MBD5: variants seen among roughly 807,000 people sequenced by gnomAD.
MBD5 encodes methyl-CpG-binding domain protein 5.
MBD5 carries 13 observed loss-of-function variants against 117.3 expected under a neutral mutation model. The observed-to-expected ratio is 0.11, with a 90% confidence interval of 0.07 to 0.18. The LOEUF (loss-of-function observed/expected upper bound fraction) is 0.18, where lower values mean the gene tolerates loss of function less well. Ranked by LOEUF, MBD5 falls within the 10% of genes least tolerant of loss-of-function variation. The pLI is 1.00. For missense variants in MBD5, 1,879 were observed against 2,093.8 expected (o/e 0.90, Z 2.00); for synonymous variants, 727 against 766.4 (o/e 0.95, Z 0.85).
chr2:148,166,098 T>C (rs1197398698), intron 1 of MBD5, among the ~76,000 whole-genome samples: 1 of 152,168 alleles, frequency 6.6e-6, no homozygotes, highest in Admixed American at 6.5e-5. Context: ...ATTCTCTAAA[T>C]GTAAGAAAAA....
At chr2:148,325,751 G>A (rs1702430107) in intron 3 of MBD5, among the ~76,000 whole-genome samples, 1 of 151,676 alleles carries the variant, frequency 6.6e-6, no homozygotes, top group African/African-American at 2.4e-5. Flanking sequence ...TCTTGCTAGT[G>A]GTCTATCAAT....
In MBD5 at chr2:148,478,430, A is replaced by G. The variant is rs547906940; in HGVS notation, c.2519-4680A>G. On this transcript the variant is annotated intron_variant, in intron 8 of 13. Transcript: ENST00000642680. ...AAACCCTGTCTGTACTAAAAATACAAAAGTTAGCCGGGCGTGCCTCAGGAG... is the reference window on the plus strand; with the variant it reads ...AAACCCTGTCTGTACTAAAAATACAGAAGTTAGCCGGGCGTGCCTCAGGAG... Among the ~76,000 whole-genome samples, 4 of 152,194 alleles carry G rather than the reference A, an allele frequency of 2.6e-5. No homozygotes were observed. The South Asian group carries it at 8.3e-4, about 32-fold the overall frequency.
At chr2:148,463,389 TATC>T (rs1257695443) in intron 6 of MBD5, among the ~76,000 whole-genome samples, 3 of 152,148 alleles carry the variant, frequency 2.0e-5, no homozygotes, top group Non-Finnish European at 4.4e-5. Context: ...TATGTAGAAA[TATC>T]ATAGCTTTTT....
At chr2:148,256,218 G>A (rs921315899) in intron 3 of MBD5, among the ~76,000 whole-genome samples, 12 of 152,226 alleles carry the variant, frequency 7.9e-5, no homozygotes, top group South Asian at 2.1e-4. Flanking sequence ...AATGTCTTGC[G>A]TGGGCAGGGA....
chr2:148,375,812 C>G (rs922553861), intron 4 of MBD5, among the ~76,000 whole-genome samples: 5 of 151,648 alleles, frequency 3.3e-5, no homozygotes, highest in African/African-American at 1.2e-4. Context: ...GAAATTTACC[C>G]CTATTTTTGC....
chr2:148,436,759 A>G (rs950560617), intron 4 of MBD5, among the ~76,000 whole-genome samples: 2 of 152,112 alleles, frequency 1.3e-5, no homozygotes, highest in Non-Finnish European at 2.9e-5. Flanking sequence ...AGGTTTTCCA[A>G]ATGTTGGCTA....
intron 1 of MBD5, among the ~76,000 whole-genome samples, chr2:148,132,734 G>A (rs1465755933): frequency 2.6e-5 from 4 of 152,038 alleles, no homozygotes; most frequent in African/African-American, 4.8e-5. Context: ...ATGAGGGTAG[G>A]CTGGTAAATT....
intron 1 of MBD5, among the ~76,000 whole-genome samples, chr2:148,035,928 A>T (rs1414669708): frequency 6.6e-6 from 1 of 152,216 alleles, no homozygotes; most frequent in East Asian, 1.9e-4. Flanking sequence ...ATTAACTGTT[A>T]TAGTGATTAT....
At chr2:148,040,160 C>T (rs1694314433) in intron 1 of MBD5, among the ~76,000 whole-genome samples, 1 of 152,180 alleles carries the variant, frequency 6.6e-6, no homozygotes, top group East Asian at 1.9e-4. Context: ...CAAACCTGCA[C>T]ATGTACCCCT....
intron 1 of MBD5, among the ~76,000 whole-genome samples, chr2:148,151,828 CTCTT>C (rs1405064876): frequency 6.6e-5 from 10 of 151,922 alleles, no homozygotes; most frequent in South Asian, 6.2e-4. Context: ...TGATTCTTCT[CTCTT>C]TCTTTCTTTA....
At chr2:148,424,321 CAAG>C (rs1481476361) in intron 4 of MBD5, among the ~76,000 whole-genome samples, 1 of 147,152 alleles carries the variant, frequency 6.8e-6, no homozygotes, top group Middle Eastern at 3.5e-3. Flanking sequence ...ATCAATGCAA[CAAG>C]AAGAGCTAAT....
At position 148,170,108 on chromosome 2, in the gene MBD5, A is replaced by G. The variant is rs543153596; in HGVS notation, c.-924-8592A>G. Among the ~76,000 whole-genome samples the G allele has an allele frequency of 2.0e-5, 3 of 152,294 alleles. No homozygotes were observed. The East Asian group carries it at 5.8e-4, about 29-fold the overall frequency. ...GAGACGGGGTTTCACCGTTTTAGCC[A>G]GGATGGTCTCGATCTCCTGACCTCG... On this transcript the variant is annotated intron_variant, in intron 1 of 13. Coordinates refer to ENST00000642680, the MANE Select transcript of MBD5 (RefSeq NM_001378120.1).
intron 1 of MBD5, among the ~76,000 whole-genome samples, chr2:148,033,000 A>G (rs1286201292): frequency 1.3e-5 from 2 of 152,164 alleles, no homozygotes; most frequent in African/African-American, 4.8e-5. Flanking sequence ...GCCTTACTTC[A>G]AGTGCATTAG....
chr2:148,140,206 A>G (rs1215947205), intron 1 of MBD5, among the ~76,000 whole-genome samples: 1 of 152,166 alleles, frequency 6.6e-6, no homozygotes, highest in African/African-American at 2.4e-5. Flanking sequence ...ATTTAAGTGT[A>G]TATAATGAAA....
intron 1 of MBD5, among the ~76,000 whole-genome samples, chr2:148,107,615 T>C (rs1696403660): frequency 6.6e-6 from 1 of 152,112 alleles, no homozygotes; most frequent in Non-Finnish European, 1.5e-5. Context: ...AGTTGCTGTT[T>C]AACTTATTCA....
intron 1 of MBD5, among the ~76,000 whole-genome samples, chr2:148,126,678 T>A (rs1046616056): frequency 1.3e-5 from 2 of 152,094 alleles, no homozygotes; most frequent in African/African-American, 4.8e-5. Context: ...ATCTGGGCAA[T>A]TTGAATAATA....
chr2:148,421,531 T>C (rs759884881), intron 4 of MBD5, among the ~76,000 whole-genome samples: 13 of 125,626 alleles, frequency 1.0e-4, no homozygotes, highest in African/African-American at 1.9e-4. Context: ...GCTGCAGAAG[T>C]TTTTTTTTTT....
intron 4 of MBD5, among the ~76,000 whole-genome samples, chr2:148,432,373 A>G (rs1706016911): frequency 6.6e-6 from 1 of 152,144 alleles, no homozygotes; most frequent in South Asian, 2.1e-4. Flanking sequence ...TAGTTTAATT[A>G]GATCCCATTT....
In MBD5 at chr2:148,468,684, T is replaced by A. The variant is rs1422273142; in HGVS notation, c.741T>A (p.Pro247=). The change falls in exon 8 of 14, where the codon CCT becomes CCA. Residue 247 remains proline (P), a synonymous_variant. Coordinates refer to ENST00000642680, the MANE Select transcript of MBD5 (RefSeq NM_001378120.1). The part of the protein sequence containing the change: ...ISPRTDPLGS[P]DVFTRSNPGF... ...CAAGGACTGACCCACTTGGAAGTCCTGATGTTTTCACAAGAAGTAATCCTG... is the reference window on the plus strand; with the variant it reads ...CAAGGACTGACCCACTTGGAAGTCCAGATGTTTTCACAAGAAGTAATCCTG... The A allele has an allele frequency of 6.2e-7, 1 of 1,613,920 alleles. No homozygotes were observed. The highest frequency in any genetic ancestry group is 1.1e-5 in the South Asian group (1 of 91,070).
Sources: gnomAD v4.1 joint callset for allele counts (sites outside exome capture counted in the v4.1 genomes callset) on GRCh38, gnomAD v4.1.1 for gene constraint, MANE v1.5 for transcripts, NCBI Gene and HGNC (gene_info 2026-07-23, HGNC 2026-07-21) for gene names.